Variants in UBR2 observed in about 807,000 individuals in gnomAD.
UBR2 encodes the protein ubiquitin protein ligase E3 component n-recognin 2.
Under a neutral mutation model 247.9 loss-of-function variants are expected in UBR2, and 92 were observed. The observed-to-expected ratio is 0.37, with a 90% CI of 0.31 to 0.44. UBR2 has a LOEUF of 0.44. UBR2 is among the 20% of genes least tolerant of loss of function. The pLI is 1.00. For synonymous variants in UBR2, 672 were observed against 693.5 expected (o/e 0.97, Z 0.49); for missense variants, 1,613 against 2,112.6 (o/e 0.76, Z 4.64).
rs373679859 is a variant in UBR2, at chr6:42,686,286, C to G, written c.4853+1415C>G. 6.1e-3 allele frequency among the ~76,000 whole-genome samples: 924 copies of G among 151,592 alleles called. 11 individuals are homozygous for G. Among genetic ancestry groups the G allele is most frequent in the African/African-American group, 0.021 (870 of 41,252 alleles). On this transcript the variant is annotated intron_variant, in intron 44 of 46. Coordinates refer to ENST00000372901, the MANE Select transcript of UBR2 (RefSeq NM_001363705.2). ...ATTAGGGAGTGGTGATGACTCTTAACGAGCATGCTGCCTTCAAGCATCTGT... is the reference window on the plus strand; with the variant it reads ...ATTAGGGAGTGGTGATGACTCTTAAGGAGCATGCTGCCTTCAAGCATCTGT...
chr6:42,684,007 TAAC>T (rs1799206540), intron 43 of UBR2, among the ~76,000 whole-genome samples: 1 of 152,176 alleles, frequency 6.6e-6, no homozygotes, highest in East Asian at 1.9e-4. Context: ...CATCCAGAAA[TAAC>T]ACCCCAATTT....
In UBR2 at chr6:42,606,585, A is replaced by G; in HGVS notation, c.802-4A>G. On this transcript the variant is annotated splice_region_variant and splice_polypyrimidine_tract_variant and intron_variant, in intron 6 of 46. Transcript: ENST00000372901. ...TTACAGCTTAATTTTAAATATCTTTACAGGGGCGTAGGTCTGTTCGATATG... is the reference window on the plus strand; with the variant it reads ...TTACAGCTTAATTTTAAATATCTTTGCAGGGGCGTAGGTCTGTTCGATATG... The G allele has an allele frequency of 3.1e-6, 5 of 1,609,592 alleles. No homozygotes were observed. In the East Asian group the frequency reaches 1.1e-4, roughly 36 times the overall value.
intron 11 of UBR2, among the ~76,000 whole-genome samples, chr6:42,627,202 G>T (rs1303876039): frequency 6.6e-6 from 1 of 152,114 alleles, no homozygotes; most frequent in Non-Finnish European, 1.5e-5. Context: ...CAGTTCCTAG[G>T]TGGGGGCCAT....
At chr6:42,601,882 T>A (rs796210699) in intron 4 of UBR2, among the ~76,000 whole-genome samples, 1,131 of 95,374 alleles carry the variant, frequency 0.012, 22 homozygotes, top group Middle Eastern at 0.017. Flanking sequence ...TTTCTTTTTT[T>A]TTTTTTTGAT....
At chr6:42,614,205 A>T (rs9471884) in intron 8 of UBR2, among the ~76,000 whole-genome samples, 3,981 of 25,946 alleles carry the variant, frequency 0.15, 471 homozygotes, top group East Asian at 0.37. Context: ...AAAAAAAAAA[A>T]CTATATATAT....
chr6:42,626,799 G>C (rs1356225097), intron 11 of UBR2, among the ~76,000 whole-genome samples: 1 of 152,092 alleles, frequency 6.6e-6, no homozygotes, highest in Admixed American at 6.6e-5. Flanking sequence ...TGTCTTTAAG[G>C]AAAAACTGGA....
intron 11 of UBR2, among the ~76,000 whole-genome samples, chr6:42,631,891 A>T (rs2395919): frequency 0.022 from 2,494 of 112,094 alleles, 120 homozygotes; most frequent in African/African-American, 0.031. Flanking sequence ...TATATATATA[A>T]ATACAGGTTC....
At position 42,629,280 on chromosome 6, in the gene UBR2, G is replaced by A. The variant is rs112950945; in HGVS notation, c.1282-3272G>A. On this transcript the variant is annotated intron_variant, in intron 11 of 46. Transcript: ENST00000372901. ...GATCCGCCCACCTCAGCCTCCCAAA[G>A]TGCTCAGATTACAGGCGTGAGCCAC... Among the ~76,000 whole-genome samples the A allele has an allele frequency of 7.8e-3, 1,164 of 148,910 alleles. 11 individuals carry two copies. Among genetic ancestry groups the A allele is most frequent in the African/African-American group, 0.027 (1,097 of 40,526 alleles).
At chr6:42,641,786 G>C (rs983075927) in intron 17 of UBR2, 94 bp downstream of exon 17, 2 of 896,178 alleles carry the variant, frequency 2.2e-6, no homozygotes, top group Non-Finnish European at 3.4e-6. Flanking sequence ...TGAAAGCTGA[G>C]TATCTATATT....
intron 22 of UBR2, among the ~76,000 whole-genome samples, chr6:42,648,864 G>T (rs2151964336): frequency 6.6e-6 from 1 of 151,718 alleles, no homozygotes; most frequent in East Asian, 1.9e-4. Flanking sequence ...CAAAAAATGG[G>T]TTCATTTCGT....
chr6:42,585,431 G>C (rs183366053), intron 2 of UBR2, among the ~76,000 whole-genome samples: 1 of 152,040 alleles, frequency 6.6e-6, no homozygotes, highest in African/African-American at 2.4e-5. Context: ...TTGGTTGTTA[G>C]GGTTATACTG....
intron 1 of UBR2, among the ~76,000 whole-genome samples, chr6:42,570,456 C>T (rs1398905653): frequency 6.6e-6 from 1 of 152,148 alleles, no homozygotes; most frequent in Admixed American, 6.5e-5. Context: ...TGGTCTCGAA[C>T]TCCTGGCCTC....
At chr6:42,614,283 T>G (rs929795842) in intron 8 of UBR2, among the ~76,000 whole-genome samples, 1 of 147,236 alleles carries the variant, frequency 6.8e-6, no homozygotes, top group African/African-American at 2.5e-5. Flanking sequence ...TACATATATA[T>G]GTATGCATGT....
chr6:42,662,011 A>G (rs1390422632), intron 30 of UBR2, among the ~76,000 whole-genome samples, 173 bp from the exon 31 acceptor site: 1 of 152,250 alleles, frequency 6.6e-6, no homozygotes, highest in Non-Finnish European at 1.5e-5. Context: ...AGAGAGTCCT[A>G]CTTTCTAAAT....
chr6:42,636,548 A>G (rs1158643043), intron 14 of UBR2, among the ~76,000 whole-genome samples: 1 of 151,118 alleles, frequency 6.6e-6, no homozygotes, highest in African/African-American at 2.4e-5. Flanking sequence ...CCCTGCTTCA[A>G]CTCTTGCCCC....
chr6:42,634,843 A>G (rs983168248), intron 13 of UBR2, among the ~76,000 whole-genome samples: 5 of 152,354 alleles, frequency 3.3e-5, no homozygotes, highest in East Asian at 1.9e-4. Flanking sequence ...TGTGAAAACA[A>G]TAGCTACTTT....
At chr6:42,635,598 T>TA in intron 14 of UBR2, 52 bp downstream of exon 14, 1 of 1,561,624 alleles carries the variant, frequency 6.4e-7, no homozygotes, top group South Asian at 1.2e-5. Flanking sequence ...GAGGGAGGAA[T>TA]AAGCAGAATC....
chr6:42,620,776 A>G (rs1794939743), intron 11 of UBR2, among the ~76,000 whole-genome samples: 1 of 151,532 alleles, frequency 6.6e-6, no homozygotes, highest in Non-Finnish European at 1.5e-5. Flanking sequence ...AATGAGCCAG[A>G]ATTCATAATT....
At chr6:42,656,943 T>C (rs1417539811) in intron 26 of UBR2, among the ~76,000 whole-genome samples, 1 of 152,064 alleles carries the variant, frequency 6.6e-6, no homozygotes, top group East Asian at 1.9e-4. Flanking sequence ...CTATAAAATA[T>C]TAGGTTCTTG....
Sources: gnomAD v4.1 joint callset for allele counts (sites outside exome capture counted in the v4.1 genomes callset) on GRCh38, gnomAD v4.1.1 for gene constraint, MANE v1.5 for transcripts, NCBI Gene and HGNC (gene_info 2026-07-23, HGNC 2026-07-21) for gene names.